MACROD2: variants seen among roughly 807,000 people sequenced by gnomAD.
The protein encoded by MACROD2 is ADP-ribose glycohydrolase MACROD2.
In MACROD2, 36 loss-of-function variants were observed where a neutral mutation model predicts 70.4. The observed-to-expected ratio is 0.51, with a 90% CI of 0.39 to 0.68. The LOEUF is 0.68. Ranked by LOEUF, MACROD2 falls within the 30% of genes least tolerant of loss-of-function variation. MACROD2 has a pLI of 0.00. For synonymous variants in MACROD2, 172 were observed against 178.8 expected (o/e 0.96, Z 0.30); for missense variants, 496 against 538.4 (o/e 0.92, Z 0.78).
At chr20:15,497,198 C>T (rs1235215958) in intron 7 of MACROD2, among the ~76,000 whole-genome samples, 3 of 152,010 alleles carry the variant, frequency 2.0e-5, no homozygotes, top group Non-Finnish European at 4.4e-5. Context: ...AGTATCCAGG[C>T]GATTATAAAT....
At chr20:14,771,622 C>T (rs1176796711) in intron 5 of MACROD2, among the ~76,000 whole-genome samples, 1 of 149,572 alleles carries the variant, frequency 6.7e-6, no homozygotes, top group Non-Finnish European at 1.5e-5. Flanking sequence ...TATTTCTTTT[C>T]TTTGTAATAT....
intron 3 of MACROD2, among the ~76,000 whole-genome samples, chr20:14,250,583 A>T (rs2082004437): frequency 6.6e-6 from 1 of 152,176 alleles, no homozygotes. Flanking sequence ...TTTATCTGGC[A>T]AATTCTTGAT....
At chr20:14,103,283 T>C (rs1376265975) in intron 3 of MACROD2, among the ~76,000 whole-genome samples, 1 of 152,206 alleles carries the variant, frequency 6.6e-6, no homozygotes, top group Non-Finnish European at 1.5e-5. Context: ...GAATATCTTC[T>C]GAAGTTAAAT....
chr20:14,798,291 A>G (rs189493919), intron 5 of MACROD2, among the ~76,000 whole-genome samples: 15 of 152,252 alleles, frequency 9.9e-5, no homozygotes, highest in African/African-American at 3.1e-4. Context: ...TAACTTTACT[A>G]TAAATATACT....
intron 8 of MACROD2, among the ~76,000 whole-genome samples, chr20:15,683,362 A>G (rs774778059): frequency 6.6e-6 from 1 of 152,190 alleles, no homozygotes; most frequent in Non-Finnish European, 1.5e-5. Context: ...TTTTTTTGAC[A>G]TCATCCTAGA....
At chr20:15,364,152 T>C (rs1312192785) in intron 6 of MACROD2, among the ~76,000 whole-genome samples, 1 of 152,226 alleles carries the variant, frequency 6.6e-6, no homozygotes, top group Non-Finnish European at 1.5e-5. Context: ...ATATTTGTAT[T>C]CTTCATAAAA....
intron 4 of MACROD2, among the ~76,000 whole-genome samples, chr20:14,515,469 A>ACACGCGCGCGCGCGCGCGCG (rs759399680): frequency 3.7e-4 from 53 of 143,728 alleles, no homozygotes; most frequent in Middle Eastern, 3.6e-3. Context: ...ACACACGCAC[A>ACACGCGCGCGCGCGCGCGCG]CACACACACA....
chr20:14,233,610 T>C (rs1404938214), intron 3 of MACROD2, among the ~76,000 whole-genome samples: 2 of 141,670 alleles, frequency 1.4e-5, no homozygotes, highest in African/African-American at 5.3e-5. Flanking sequence ...GGCAGGAGAA[T>C]GGCCTGAACC....
At chr20:15,363,871 C>T (rs1348449242) in intron 6 of MACROD2, among the ~76,000 whole-genome samples, 3 of 152,112 alleles carry the variant, frequency 2.0e-5, no homozygotes, top group Non-Finnish European at 4.4e-5. Flanking sequence ...CTGTGGGGGG[C>T]TAGCGGATGC....
At chr20:14,437,873 A>G (rs898398615) in intron 3 of MACROD2, among the ~76,000 whole-genome samples, 2 of 152,218 alleles carry the variant, frequency 1.3e-5, no homozygotes, top group African/African-American at 2.4e-5. Context: ...ACACATCTAT[A>G]TAGTAAAATT....
intron 4 of MACROD2, among the ~76,000 whole-genome samples, chr20:14,494,967 T>A (rs937985315): frequency 2.0e-5 from 3 of 152,134 alleles, no homozygotes; most frequent in African/African-American, 7.2e-5. Context: ...ACGAATATTG[T>A]TAATAGCATA....
intron 5 of MACROD2, among the ~76,000 whole-genome samples, chr20:14,985,370 A>G (rs540173595): frequency 1.7e-4 from 26 of 152,238 alleles, no homozygotes; most frequent in African/African-American, 6.0e-4. Flanking sequence ...TGTGTACAGG[A>G]AGGAAGTTCA....
intron 5 of MACROD2, among the ~76,000 whole-genome samples, chr20:15,192,462 G>T (rs1276739649): frequency 6.6e-6 from 1 of 152,128 alleles, no homozygotes; most frequent in Non-Finnish European, 1.5e-5. Flanking sequence ...CCTTTAACAG[G>T]CAAATGAACT....
Position 14,784,671 on chromosome 20 carries a change from G to T in MACROD2, c.418+99712G>T, listed in dbSNP as rs918954431. ...CAGAAAAGGATGGTGTTTTAAGTGG[G>T]GGGGGGGGGGCACCAGATTCAGTTA... is the stretch of plus-strand genomic sequence containing the variant. On this transcript the variant is annotated intron_variant, in intron 5 of 17. Coordinates refer to ENST00000684519, the MANE Select transcript of MACROD2 (RefSeq NM_001351661.2). Among the ~76,000 whole-genome samples the T allele has an allele frequency of 1.1e-4, 10 of 91,572 alleles. 1 individual carries two copies. Among genetic ancestry groups the T allele is most frequent in the South Asian group, 6.4e-4 (2 of 3,106 alleles). The allele number at this position is 91,572 out of a possible 152,430, so 60.1% of individuals were successfully genotyped here.
intron 8 of MACROD2, among the ~76,000 whole-genome samples, chr20:15,808,935 C>T (rs2063793633): frequency 6.6e-6 from 1 of 152,126 alleles, no homozygotes; most frequent in African/African-American, 2.4e-5. Flanking sequence ...AACCATTATC[C>T]TAACTATGGA....
chr20:14,156,383 G>T (rs1400074372), intron 3 of MACROD2, among the ~76,000 whole-genome samples: 1 of 152,080 alleles, frequency 6.6e-6, no homozygotes, highest in African/African-American at 2.4e-5. Flanking sequence ...TTGCGGTATT[G>T]CTTAACTATG....
chr20:15,817,942 G>C (rs748332130), intron 8 of MACROD2, among the ~76,000 whole-genome samples: 2 of 152,050 alleles, frequency 1.3e-5, no homozygotes, highest in East Asian at 3.9e-4. Context: ...ACCACTTCTT[G>C]TTCCCCCAAA....
chr20:14,703,574 G>C (rs1435133682), intron 5 of MACROD2, among the ~76,000 whole-genome samples: 1 of 152,214 alleles, frequency 6.6e-6, no homozygotes, highest in East Asian at 1.9e-4. Flanking sequence ...ATAGAGTTGG[G>C]CACAGAGGCT....
chr20:14,936,689 G>A (rs2074343231), intron 5 of MACROD2, among the ~76,000 whole-genome samples: 1 of 152,094 alleles, frequency 6.6e-6, no homozygotes, highest in South Asian at 2.1e-4. Context: ...GCATGTGAAG[G>A]GCCCAGAAAC....
Sources: gnomAD v4.1 joint callset for allele counts (sites outside exome capture counted in the v4.1 genomes callset) on GRCh38, gnomAD v4.1.1 for gene constraint, MANE v1.5 for transcripts, NCBI Gene and HGNC (gene_info 2026-07-23, HGNC 2026-07-21) for gene names.